FRMPD4: variants seen among roughly 807,000 people sequenced by gnomAD.
FRMPD4 encodes the protein FERM and PDZ domain-containing protein 4.
In FRMPD4, 22 loss-of-function variants were observed where a neutral mutation model predicts 94.1. That is an observed-to-expected ratio of 0.23 (90% CI 0.17 to 0.33). FRMPD4 has a LOEUF of 0.33. Among genes scored for constraint, FRMPD4 ranks in the 10% least tolerant of loss-of-function variants. The pLI is 1.00. For missense variants in FRMPD4, 1,111 were observed against 1,339.9 expected, an observed-to-expected ratio of 0.83 and a Z score of 2.67; for synonymous variants, 631 against 548.6, an observed-to-expected ratio of 1.15 and a Z score of -2.10.
intron 2 of FRMPD4, among the ~76,000 whole-genome samples, chrX:12,522,846 G>T (rs1344716711): frequency 9.0e-6 from 1 of 111,214 alleles, no homozygotes; most frequent in Non-Finnish European, 1.9e-5. Flanking sequence ...CGGGTGATCT[G>T]CCCACCTCTG....
At position 12,193,809 on chromosome X, in the gene FRMPD4, AGGAAGGAAGGAAGGAAGGAGG is replaced by A. The variant is rs1569186608; in HGVS notation, c.41+54799_41+54819del. Among the ~76,000 whole-genome samples the A allele has an allele frequency of 6.1e-3, 179 of 29,582 alleles. 28 individuals carry two copies. Among genetic ancestry groups the A allele is most frequent in the Middle Eastern group, 0.014 (1 of 69 alleles). 25.7% of individuals were successfully genotyped at this position (29,582 alleles called of 115,157 possible). On this transcript the variant is annotated intron_variant, in intron 1 of 16. Transcript: ENST00000675598. ...AAGGAAGGAAGGAAGGAAGGAAGGA[AGGAAGGAAGGAAGGAAGGAGG>A]GAAGGAAGAAAGAAAAGAAAGAAAA...
At chrX:11,867,978 TTCTC>T (rs1055659082) in intron 2 of FRMPD4, among the ~76,000 whole-genome samples, 5 of 112,030 alleles carry the variant, frequency 4.5e-5, no homozygotes, top group Non-Finnish European at 9.4e-5. Flanking sequence ...TGTAGCCCAT[TTCTC>T]TCTTTCCGCA....
At chrX:12,262,145 A>T (rs2054198493) in intron 1 of FRMPD4, among the ~76,000 whole-genome samples, 1 of 112,245 alleles carries the variant, frequency 8.9e-6, no homozygotes, top group African/African-American at 3.2e-5. Flanking sequence ...TTATTGGAAC[A>T]CAGCCATACC....
chrX:12,535,857 C>T (rs1338424977), intron 2 of FRMPD4, among the ~76,000 whole-genome samples: 2 of 110,648 alleles, frequency 1.8e-5, no homozygotes, highest in Non-Finnish European at 3.8e-5. Context: ...TTTGCAGACC[C>T]CTGACTTGGA....
chrX:12,248,540 G>T (rs2053987498), intron 1 of FRMPD4, among the ~76,000 whole-genome samples: 1 of 112,312 alleles, frequency 8.9e-6, no homozygotes. Context: ...AGGAGAAGTT[G>T]TTAAGGGTCA....
chrX:12,571,311 A>T (rs912666130), intron 2 of FRMPD4, among the ~76,000 whole-genome samples: 19 of 112,722 alleles, frequency 1.7e-4, no homozygotes, highest in Admixed American at 1.0e-3. Flanking sequence ...AGTTAAAAAA[A>T]TTTTTTTAAA....
chrX:11,864,212 C>T (rs776184456), intron 1 of FRMPD4, among the ~76,000 whole-genome samples: 1 of 109,579 alleles, frequency 9.1e-6, no homozygotes, highest in Non-Finnish European at 1.9e-5. Context: ...ATAACATCTA[C>T]GGGAATAACT....
intron 3 of FRMPD4, among the ~76,000 whole-genome samples, chrX:12,132,666 G>A (rs943535687): frequency 1.8e-5 from 2 of 111,238 alleles, no homozygotes; most frequent in African/African-American, 6.5e-5. Flanking sequence ...AAAACCAGGA[G>A]AGTGTGTTGT....
chrX:12,597,249 A>G (rs1212583559), intron 2 of FRMPD4, among the ~76,000 whole-genome samples: 1 of 112,799 alleles, frequency 8.9e-6, no homozygotes, highest in African/African-American at 3.2e-5. Flanking sequence ...GCCCTTTTAG[A>G]TCCTACAATC....
chrX:12,543,457 G>C (rs2058439015), intron 2 of FRMPD4, among the ~76,000 whole-genome samples: 1 of 112,309 alleles, frequency 8.9e-6, no homozygotes, highest in Non-Finnish European at 1.9e-5. Context: ...CTCACAAGAA[G>C]ACATTTATGC....
At position 12,411,009 on chromosome X, in the gene FRMPD4, G is replaced by C. The variant is rs940017653; in HGVS notation, c.42-87671G>C. Among the ~76,000 whole-genome samples the C allele has an allele frequency of 1.3e-4, 15 of 111,933 alleles. No individual in the cohort carries two copies. The East Asian group carries it at 3.4e-3, about 25-fold the overall frequency. ...ATCGCATTCAGAACCCCTTCTGAGT[G>C]CCTTTTTGACTCAGAATCACTGATG... On this transcript the variant is annotated intron_variant, in intron 1 of 16. Coordinates refer to ENST00000675598, the MANE Select transcript of FRMPD4 (RefSeq NM_001368397.1).
At chrX:12,376,112 T>A (rs936265540) in intron 1 of FRMPD4, among the ~76,000 whole-genome samples, 48 of 112,067 alleles carry the variant, frequency 4.3e-4, no homozygotes, top group African/African-American at 1.4e-3. Context: ...ACTCTGGAAA[T>A]GTTTACTGGA....
intron 3 of FRMPD4, among the ~76,000 whole-genome samples, chrX:11,994,044 G>T (rs2054481575): frequency 9.0e-6 from 1 of 111,269 alleles, no homozygotes; most frequent in South Asian, 3.8e-4. Context: ...TCTTCATATA[G>T]ACCAGTGCTT....
chrX:12,344,256 C>T (rs2055665193), intron 1 of FRMPD4, among the ~76,000 whole-genome samples: 2 of 111,792 alleles, frequency 1.8e-5, no homozygotes, highest in Admixed American at 9.5e-5. Flanking sequence ...CGTTGAAGGT[C>T]TTGAGGTCTT....
chrX:12,146,159 C>T (rs1394418223), intron 1 of FRMPD4, among the ~76,000 whole-genome samples: 3 of 110,596 alleles, frequency 2.7e-5, no homozygotes, highest in Admixed American at 9.6e-5. Context: ...GTCAGGAGAT[C>T]GAGACCATCC....
At chrX:12,609,918 T>C (rs1182981788) in intron 3 of FRMPD4, 37 bp downstream of exon 3, 1 of 1,120,570 alleles carries the variant, frequency 8.9e-7, no homozygotes, top group Admixed American at 2.2e-5. Flanking sequence ...TTCCTGGGAA[T>C]GTCTGCCACA....
At chrX:12,460,962 T>C (rs1381123977) in intron 1 of FRMPD4, among the ~76,000 whole-genome samples, 2 of 112,325 alleles carry the variant, frequency 1.8e-5, no homozygotes, top group Non-Finnish European at 3.8e-5. Flanking sequence ...GATTGTCCTT[T>C]ATTTCCATTG....
chrX:11,824,274 C>T (rs891853045), intron 1 of FRMPD4, among the ~76,000 whole-genome samples: 1 of 111,271 alleles, frequency 9.0e-6, no homozygotes, highest in African/African-American at 3.3e-5. Context: ...ACATAATAGA[C>T]GTAAGTGGGG....
intron 2 of FRMPD4, among the ~76,000 whole-genome samples, chrX:12,587,438 TCCC>T (rs1021397753): frequency 3.6e-5 from 4 of 111,233 alleles, no homozygotes; most frequent in African/African-American, 9.8e-5. Flanking sequence ...TTATTTCCCA[TCCC>T]CCTTCTCCCC....
Sources: gnomAD v4.1 joint callset for allele counts (sites outside exome capture counted in the v4.1 genomes callset) on GRCh38, gnomAD v4.1.1 for gene constraint, MANE v1.5 for transcripts, NCBI Gene and HGNC (gene_info 2026-07-23, HGNC 2026-07-21) for gene names.